Variants in CCNH observed in about 807,000 individuals in gnomAD.
CCNH encodes cyclin-H.
In CCNH, 31 loss-of-function variants were observed where a neutral mutation model predicts 41.9. The observed-to-expected ratio is 0.74, with a 90% CI of 0.56 to 1.00. The LOEUF (loss-of-function observed/expected upper bound fraction) is 1.00, where lower values mean the gene tolerates loss of function less well. Ranked by LOEUF, CCNH falls within the 50% of genes least tolerant of loss-of-function variation. CCNH has a pLI of 0.00. For missense variants in CCNH, 362 were observed against 388.4 expected, an observed-to-expected ratio of 0.93 and a Z score of 0.57; for synonymous variants, 138 against 136.1, an observed-to-expected ratio of 1.01 and a Z score of -0.10.
At chr5:87,349,101 G>T in intron 9 of CCNH, 1 of 1,288,432 alleles carries the variant, frequency 7.8e-7, no homozygotes. Context: ...ACAAGTTCCT[G>T]GTGAAAATTT....
At chr5:87,400,447 T>C (rs1396137193) in intron 6 of CCNH, among the ~76,000 whole-genome samples, 1 of 152,198 alleles carries the variant, frequency 6.6e-6, no homozygotes, top group African/African-American at 2.4e-5. Flanking sequence ...TACAGTGGAA[T>C]AAGACCTTTA....
intron 9 of CCNH, among the ~76,000 whole-genome samples, chr5:87,351,331 T>C (rs1003325054): frequency 4.0e-5 from 6 of 151,768 alleles, no homozygotes; most frequent in Non-Finnish European, 7.4e-5. Flanking sequence ...CTCAGGTTTA[T>C]TAGAAAAGAA....
At chr5:87,327,822 G>T in intron 9 of CCNH, among the ~76,000 whole-genome samples, 1 of 152,076 alleles carries the variant, frequency 6.6e-6, no homozygotes, top group South Asian at 2.1e-4. Flanking sequence ...AAAGTTAGCC[G>T]GATGTGGTGG....
chr5:87,391,882 G>GGTTAA (rs886060850), downstream of CCNH: 5 of 230,394 alleles, frequency 2.2e-5, no homozygotes, highest in African/African-American at 1.1e-4. Context: ...TATTCACAAA[G>GGTTAA]GTTAAGTTAA....
chr5:87,368,108 T>A (rs1207059361), intron 9 of CCNH, among the ~76,000 whole-genome samples: 2 of 152,146 alleles, frequency 1.3e-5, no homozygotes, highest in Admixed American at 1.3e-4. Context: ...TTCTGCCACA[T>A]TCCTTTTTCT....
At chr5:87,315,187 A>G (rs865871203), downstream of CCNH, among the ~76,000 whole-genome samples, 2 of 152,234 alleles carry the variant, frequency 1.3e-5, no homozygotes, top group Admixed American at 6.5e-5. Context: ...ATTTTCTATT[A>G]CTGCAGCAGA....
chr5:87,385,194 G>T, intron 9 of CCNH: 1 of 765,638 alleles, frequency 1.3e-6, no homozygotes. Flanking sequence ...ATGGAAGAAT[G>T]GGTAGTAGTT....
intron 9 of CCNH, among the ~76,000 whole-genome samples, chr5:87,341,898 G>A (rs931678218): frequency 2.0e-5 from 3 of 151,972 alleles, no homozygotes; most frequent in Non-Finnish European, 1.5e-5. Flanking sequence ...GGAACTTGAG[G>A]CTTGCCTCAA....
chr5:87,335,339 C>T (rs543792307), intron 9 of CCNH, among the ~76,000 whole-genome samples: 2 of 147,716 alleles, frequency 1.4e-5, no homozygotes, highest in South Asian at 4.3e-4. Flanking sequence ...TTTAGACATT[C>T]TGTATTGGCC....
At chr5:87,363,489 A>C in intron 9 of CCNH, 1 of 1,612,192 alleles carries the variant, frequency 6.2e-7, no homozygotes, top group Non-Finnish European at 8.5e-7. Context: ...GTCGTTCATG[A>C]TAGTCTCTTT....
chr5:87,395,143 GC>G, intron 7 of CCNH, 39 bp from the exon 8 acceptor site: 1 of 1,571,874 alleles, frequency 6.4e-7, no homozygotes, highest in Non-Finnish European at 8.7e-7. Flanking sequence ...TCCAATACCA[GC>G]CACAGAAACT....
intron 9 of CCNH, chr5:87,349,487 A>G (rs759408831): frequency 1.6e-5 from 18 of 1,115,840 alleles, no homozygotes; most frequent in Non-Finnish European, 2.0e-5. Context: ...AAGACCTTCA[A>G]TATAATTTCA....
chr5:87,334,847 C>T (rs547798413), intron 9 of CCNH, among the ~76,000 whole-genome samples: 12 of 151,598 alleles, frequency 7.9e-5, no homozygotes, highest in African/African-American at 2.9e-4. Context: ...GGATCAGTGT[C>T]ATGAGGAAAA....
At chr5:87,411,114 A>T in intron 2 of CCNH, 110 bp downstream of exon 2, 3 of 1,118,194 alleles carry the variant, frequency 2.7e-6, no homozygotes, top group Non-Finnish European at 3.7e-6. Context: ...AAAACTAATT[A>T]ATTGTAACTA....
intron 9 of CCNH, among the ~76,000 whole-genome samples, chr5:87,333,073 TG>T (rs1757711021): frequency 6.6e-6 from 1 of 152,084 alleles, no homozygotes; most frequent in African/African-American, 2.4e-5. Flanking sequence ...ATTTAAAATA[TG>T]ATTTTCATAA....
chr5:87,372,230 C>T (rs767775204), downstream of CCNH: 1 of 1,571,944 alleles, frequency 6.4e-7, no homozygotes. Flanking sequence ...TTAATTGTCA[C>T]ATTTTGCTCT....
At chr5:87,364,930 C>G (rs1319135749) in intron 9 of CCNH, among the ~76,000 whole-genome samples, 1 of 152,146 alleles carries the variant, frequency 6.6e-6, no homozygotes, top group Non-Finnish European at 1.5e-5. Flanking sequence ...TGGAAATGAT[C>G]TCACCCAAAT....
intron 9 of CCNH, among the ~76,000 whole-genome samples, chr5:87,347,434 T>G (rs965857450): frequency 6.6e-6 from 1 of 152,030 alleles, no homozygotes; most frequent in East Asian, 1.9e-4. Flanking sequence ...ATACCGAGCA[T>G]TTCTTTGGCA....
intron 5 of CCNH, among the ~76,000 whole-genome samples, chr5:87,404,143 G>A (rs896253182): frequency 1.2e-4 from 18 of 152,116 alleles, no homozygotes; most frequent in African/African-American, 4.3e-4. Context: ...GTTATCTGGT[G>A]TATATATTAT....
Sources: gnomAD v4.1 joint callset for allele counts (sites outside exome capture counted in the v4.1 genomes callset) on GRCh38, gnomAD v4.1.1 for gene constraint, MANE v1.5 for transcripts, NCBI Gene and HGNC (gene_info 2026-07-23, HGNC 2026-07-21) for gene names.